Variants in THBS4 observed in about 807,000 individuals in gnomAD.
THBS4 encodes thrombospondin 4.
A neutral mutation model predicts 115.7 loss-of-function variants in THBS4; 90 were observed. The ratio of observed to expected loss-of-function variants is 0.78; its 90% CI spans 0.66 to 0.93. The LOEUF is 0.93. THBS4 is among the 40% of genes least tolerant of loss of function. THBS4 has a pLI of 0.00. For missense variants in THBS4, 1,087 were observed against 1,232.7 expected (o/e 0.88, Z 1.77); for synonymous variants, 460 against 479.3 (o/e 0.96, Z 0.53).
intron 9 of THBS4, chr5:80,067,340 T>G (rs1324848368): frequency 1.3e-5 from 2 of 151,768 alleles, no homozygotes; most frequent in Non-Finnish European, 2.9e-5. Flanking sequence ...TTAATTTTCA[T>G]TTTTTAAACA....
Position 80,070,647 on chromosome 5 carries a change from A to C in THBS4, c.1457A>C (p.Asn486Thr), listed in dbSNP as rs538669084. The change falls in exon 12 of 22, where the codon AAC (asparagine) becomes ACC (threonine). Residue 486 changes from asparagine (N) to threonine (T), a missense_variant. Coordinates refer to ENST00000350881, the MANE Select transcript of THBS4 (RefSeq NM_003248.6). ...PCSARNCKKD[N>T]CKYVPNSGQE... ...GAACTGCATTTTCCCCCTAAGGACA[A>C]CTGCAAATATGTGCCAAATTCTGGC... 1 of 1,614,114 alleles carries C rather than the reference A, an allele frequency of 6.2e-7. No individual in the cohort carries two copies. Among genetic ancestry groups the C allele is most frequent in the South Asian group, 1.1e-5 (1 of 91,090 alleles).
intron 1 of THBS4, among the ~76,000 whole-genome samples, chr5:80,036,816 A>G (rs1224364915): frequency 6.6e-6 from 1 of 152,216 alleles, no homozygotes; most frequent in Non-Finnish European, 1.5e-5. Context: ...GAGACGCACA[A>G]CTTGAAGTAA....
Position 80,040,210 on chromosome 5 carries a change from C to A in THBS4, c.222C>A (p.Ile74=), listed in dbSNP as rs369576000. ...TGCAGACTAAAAGTTCAGCCACCAT[C>A]TTCGGTCTTTACTCTTCAACTGACA... ...FKLQTKSSAT[I]FGLYSSTDNS... The change falls in exon 2 of 22, where the codon ATC becomes ATA. Residue 74 remains isoleucine (I), a synonymous_variant. Coordinates refer to ENST00000350881, the MANE Select transcript of THBS4 (RefSeq NM_003248.6). The A allele has an allele frequency of 7.4e-6, 12 of 1,614,008 alleles. No homozygotes were observed. Among genetic ancestry groups the A allele is most frequent in the Non-Finnish European group, 9.3e-6 (11 of 1,180,022 alleles).
intron 15 of THBS4, among the ~76,000 whole-genome samples, chr5:80,073,758 G>T (rs911907254): frequency 6.6e-6 from 1 of 152,124 alleles, no homozygotes; most frequent in Non-Finnish European, 1.5e-5. Flanking sequence ...TGAGCTGCTG[G>T]TGGGATAATA....
chr5:79,992,424 A>G (rs1019593804), intron 1 of THBS4, among the ~76,000 whole-genome samples: 3 of 152,204 alleles, frequency 2.0e-5, no homozygotes, highest in Non-Finnish European at 4.4e-5. Flanking sequence ...TTCAACAAAT[A>G]TTTGCTAGGC....
chr5:80,060,012 T>C (rs1580962350), intron 7 of THBS4, 107 bp downstream of exon 7: 1 of 1,100,572 alleles, frequency 9.1e-7, no homozygotes, highest in East Asian at 2.4e-5. Context: ...TGGGCTGTCC[T>C]CCAGGCTCCA....
intron 1 of THBS4, among the ~76,000 whole-genome samples, chr5:79,994,186 A>G (rs866586270): frequency 1.1e-4 from 17 of 152,342 alleles, no homozygotes; most frequent in African/African-American, 3.8e-4. Flanking sequence ...CTTTATCTCC[A>G]TAATGATTTC....
chr5:79,999,615 G>A (rs1283886068), intron 2 of THBS4, among the ~76,000 whole-genome samples: 1 of 152,158 alleles, frequency 6.6e-6, no homozygotes, highest in Non-Finnish European at 1.5e-5. Flanking sequence ...AATAAATCCT[G>A]CCTTGTGAAA....
chr5:80,003,899 A>G (rs1000061489), intron 2 of THBS4, among the ~76,000 whole-genome samples: 1 of 152,130 alleles, frequency 6.6e-6, no homozygotes, highest in African/African-American at 2.4e-5. Flanking sequence ...GGTTTTAAAC[A>G]TTTTTCTACA....
At chr5:80,011,761 C>T (rs996690078) in intron 2 of THBS4, among the ~76,000 whole-genome samples, 13 of 152,028 alleles carry the variant, frequency 8.6e-5, no homozygotes, top group Admixed American at 3.9e-4. Flanking sequence ...CACCTGAAAC[C>T]CCAAGTCACA....
At chr5:80,037,745 T>G (rs1209062558) in intron 1 of THBS4, among the ~76,000 whole-genome samples, 1 of 152,230 alleles carries the variant, frequency 6.6e-6, no homozygotes, top group Non-Finnish European at 1.5e-5. Flanking sequence ...TAAATACATA[T>G]CTCTTTTCTG....
intron 17 of THBS4, 102 bp downstream of exon 17, chr5:80,078,329 A>G: frequency 3.0e-6 from 3 of 987,920 alleles, no homozygotes; most frequent in East Asian, 5.8e-5. Context: ...TAAGCCAGGC[A>G]TTCTTCACAT....
chr5:79,995,368 C>T (rs974171989), intron 1 of THBS4, among the ~76,000 whole-genome samples: 9 of 152,156 alleles, frequency 5.9e-5, no homozygotes, highest in Non-Finnish European at 8.8e-5. Context: ...GGCACCCTTC[C>T]GCTGAGCATT....
intron 9 of THBS4, chr5:80,067,617 G>A: frequency 5.9e-6 from 1 of 169,224 alleles, no homozygotes. Flanking sequence ...TCATCTCCCT[G>A]TCCCCAGAGT....
intron 9 of THBS4, among the ~76,000 whole-genome samples, chr5:80,065,996 G>A (rs771038803): frequency 6.7e-6 from 1 of 150,162 alleles, no homozygotes; most frequent in African/African-American, 2.5e-5. Flanking sequence ...TCTGGAGGCT[G>A]AAGCAGGAGA....
chr5:80,033,854 A>G (rs1365107736), upstream of THBS4, among the ~76,000 whole-genome samples: 1 of 152,220 alleles, frequency 6.6e-6, no homozygotes, highest in East Asian at 1.9e-4. Context: ...TGTTTTTTAA[A>G]TTCCCCAGGA....
At chr5:80,013,929 G>GT (rs1832197963) in intron 2 of THBS4, among the ~76,000 whole-genome samples, 1 of 152,084 alleles carries the variant, frequency 6.6e-6, no homozygotes, top group Non-Finnish European at 1.5e-5. Flanking sequence ...TTACCATAAG[G>GT]TAAGAAGAAA....
chr5:80,020,837 G>C (rs1476923402), intron 2 of THBS4, among the ~76,000 whole-genome samples: 1 of 152,176 alleles, frequency 6.6e-6, no homozygotes, highest in East Asian at 1.9e-4. Flanking sequence ...ACAGAAAGAG[G>C]CTTTATAAAA....
Position 80,079,152 on chromosome 5 carries a change from A to T in THBS4, c.2405A>T (p.Tyr802Phe). 1 of 1,614,226 alleles carries T rather than the reference A, an allele frequency of 6.2e-7. No individual in the cohort carries two copies. Among genetic ancestry groups the T allele is most frequent in the Non-Finnish European group, 8.5e-7 (1 of 1,180,036 alleles). Residue 802 changes from tyrosine to phenylalanine, a missense_variant, in exon 19 of 22, where the codon TAC becomes TTC. Tyr to Phe is a conservative substitution (Grantham distance 22). Coordinates refer to ENST00000350881, the MANE Select transcript of THBS4 (RefSeq NM_003248.6). ...GACTATGCAGGCTTTATCTTTGGCT[A>T]CCAAGATAGCTCCAGCTTCTACGTG... ...DDDYAGFIFG[Y>F]QDSSSFYVVM...
Sources: allele counts gnomAD v4.1 joint callset (sites outside exome capture counted in the v4.1 genomes callset), GRCh38; gene constraint gnomAD v4.1.1; transcripts MANE v1.5; gene names NCBI Gene and HGNC (gene_info 2026-07-23, HGNC 2026-07-21).